Variants in PRKG1 observed in about 807,000 individuals in gnomAD.
PRKG1 encodes the protein cGMP-dependent protein kinase 1.
In PRKG1, 35 loss-of-function variants were observed where a neutral mutation model predicts 88.1. The observed-to-expected ratio is 0.40, with a 90% CI of 0.30 to 0.53. PRKG1 has a LOEUF of 0.53. Among genes scored for constraint, PRKG1 ranks in the 20% least tolerant of loss-of-function variants. PRKG1 has a pLI of 0.59. For missense variants in PRKG1, 540 were observed against 839.8 expected (o/e 0.64, Z 4.41); for synonymous variants, 303 against 292.5 (o/e 1.04, Z -0.37).
intron 3 of PRKG1, among the ~76,000 whole-genome samples, chr10:51,682,058 A>C (rs2132371909): frequency 6.6e-6 from 1 of 152,266 alleles, no homozygotes; most frequent in African/African-American, 2.4e-5. Context: ...TACTGGATAA[A>C]TCTATAGGAA....
At chr10:51,514,781 C>T (rs553168804) in intron 3 of PRKG1, among the ~76,000 whole-genome samples, 3 of 152,250 alleles carry the variant, frequency 2.0e-5, no homozygotes, top group Admixed American at 6.5e-5. Flanking sequence ...ATGAGTGTTT[C>T]CAGGTTTTCA....
At chr10:52,147,532 TA>T (rs1837764704) in intron 8 of PRKG1, among the ~76,000 whole-genome samples, 1 of 152,196 alleles carries the variant, frequency 6.6e-6, no homozygotes, top group South Asian at 2.1e-4. Flanking sequence ...CTGTCTGCAC[TA>T]AGACCATGCT....
intron 1 of PRKG1, among the ~76,000 whole-genome samples, chr10:51,009,451 A>T (rs1357835818): frequency 6.6e-6 from 1 of 152,156 alleles, no homozygotes; most frequent in African/African-American, 2.4e-5. Context: ...TTTTAGCTTT[A>T]CTAGAGGGTT....
At chr10:51,777,673 T>C (rs1424575931) in intron 3 of PRKG1, among the ~76,000 whole-genome samples, 1 of 152,148 alleles carries the variant, frequency 6.6e-6, no homozygotes, top group Non-Finnish European at 1.5e-5. Flanking sequence ...GTGTTGTACA[T>C]TCTATGGGTG....
chr10:51,677,538 A>G (rs1840740901), intron 3 of PRKG1, among the ~76,000 whole-genome samples: 1 of 152,216 alleles, frequency 6.6e-6, no homozygotes, highest in African/African-American at 2.4e-5. Flanking sequence ...TCTGGTTCAG[A>G]ATGGGGCAGG....
intron 2 of PRKG1, among the ~76,000 whole-genome samples, chr10:51,190,763 C>A (rs918838464): frequency 6.6e-6 from 1 of 151,778 alleles, no homozygotes; most frequent in Non-Finnish European, 1.5e-5. Flanking sequence ...TGCCACTGAT[C>A]GACAGTGAAG....
In PRKG1 at chr10:51,406,721, C is replaced by T. The variant is rs12256893; in HGVS notation, c.479-61002C>T. ...ACAATAGGTGAATTCTCTGCTTATA[C>T]TTATTGAATAAAATGTGCCAAGAAA... On this transcript the variant is annotated intron_variant, in intron 2 of 17. Coordinates refer to ENST00000373980, the MANE Select transcript of PRKG1 (RefSeq NM_006258.4). Among the ~76,000 whole-genome samples the T allele has an allele frequency of 2.8e-3, 421 of 150,838 alleles. 2 individuals carry two copies. The highest frequency in any genetic ancestry group is 9.7e-3 in the African/African-American group (399 of 41,010).
At chr10:51,476,107 A>G (rs73338025) in intron 3 of PRKG1, among the ~76,000 whole-genome samples, 13,412 of 152,078 alleles carry the variant, frequency 0.088, 1,175 homozygotes, top group African/African-American at 0.23. Context: ...AGGTAGTCTT[A>G]GGTGGGTTGC....
chr10:52,244,723 A>G (rs1840961782), intron 9 of PRKG1, among the ~76,000 whole-genome samples: 2 of 122,606 alleles, frequency 1.6e-5, no homozygotes, highest in African/African-American at 7.4e-5. Flanking sequence ...ATACTTTAAA[A>G]ATATATACTT....
chr10:52,007,424 T>C (rs1844766164), intron 5 of PRKG1, among the ~76,000 whole-genome samples: 1 of 151,976 alleles, frequency 6.6e-6, no homozygotes, highest in Non-Finnish European at 1.5e-5. Flanking sequence ...AATAACAGGA[T>C]GAAGAAAAAT....
intron 10 of PRKG1, among the ~76,000 whole-genome samples, chr10:52,265,928 A>G (rs1589745284): frequency 6.6e-6 from 1 of 152,078 alleles, no homozygotes; most frequent in African/African-American, 2.4e-5. Flanking sequence ...AATATAGCAC[A>G]TAGCATTTCT....
At chr10:51,397,135 T>C (rs1837599811) in intron 2 of PRKG1, among the ~76,000 whole-genome samples, 1 of 151,860 alleles carries the variant, frequency 6.6e-6, no homozygotes, top group African/African-American at 2.4e-5. Context: ...ATTTTTTTTT[T>C]TTTTTTTTGG....
chr10:51,164,271 G>A (rs2131994221), intron 2 of PRKG1, among the ~76,000 whole-genome samples: 1 of 152,290 alleles, frequency 6.6e-6, no homozygotes, highest in Non-Finnish European at 1.5e-5. Flanking sequence ...CACCGCTGCT[G>A]TTACCCAGGC....
intron 9 of PRKG1, among the ~76,000 whole-genome samples, chr10:52,169,430 A>G (rs569498624): frequency 8.5e-5 from 13 of 152,196 alleles, no homozygotes; most frequent in Admixed American, 7.2e-4. Flanking sequence ...GGTCTCTTTT[A>G]TAAGGGCACT....
intron 3 of PRKG1, among the ~76,000 whole-genome samples, chr10:51,646,427 G>T (rs912029671): frequency 6.6e-6 from 1 of 151,712 alleles, no homozygotes; most frequent in Non-Finnish European, 1.5e-5. Flanking sequence ...CTTCCGCTTC[G>T]CATTTTTTTA....
At chr10:52,118,758 A>T (rs563999994) in intron 7 of PRKG1, among the ~76,000 whole-genome samples, 3 of 152,018 alleles carry the variant, frequency 2.0e-5, no homozygotes, top group Admixed American at 2.0e-4. Flanking sequence ...GTAAAATTAT[A>T]CCATGGTAGA....
rs568688197 is a variant in PRKG1, at chr10:51,813,549, A to C, written c.698+8859A>C. Among the ~76,000 whole-genome samples, 5 of 152,334 alleles carry C rather than the reference A, an allele frequency of 3.3e-5. No individual in the cohort carries two copies. The South Asian group carries it at 1.0e-3, about 32-fold the overall frequency. On this transcript the variant is annotated intron_variant, in intron 4 of 17. Coordinates refer to ENST00000373980, the MANE Select transcript of PRKG1 (RefSeq NM_006258.4). ...CAAAAATTCGTAAAGTACTATTATA[A>C]CATCATTTCCATTTTACAGGTAAGA... is the stretch of plus-strand genomic sequence containing the variant.
chr10:52,203,965 G>C (rs2132783453), intron 9 of PRKG1, among the ~76,000 whole-genome samples: 1 of 152,244 alleles, frequency 6.6e-6, no homozygotes, highest in Non-Finnish European at 1.5e-5. Context: ...TCTTGCTTCT[G>C]TGTGCAACCT....
intron 9 of PRKG1, among the ~76,000 whole-genome samples, chr10:52,174,910 A>G (rs1185738262): frequency 6.6e-6 from 1 of 152,054 alleles, no homozygotes; most frequent in Non-Finnish European, 1.5e-5. Context: ...GGGGTATATA[A>G]TGATGTTCCA....
Sources: allele counts gnomAD v4.1 joint callset (sites outside exome capture counted in the v4.1 genomes callset), GRCh38; gene constraint gnomAD v4.1.1; transcripts MANE v1.5; gene names NCBI Gene and HGNC (gene_info 2026-07-23, HGNC 2026-07-21).